The following CLC variants were observed in gnomAD, a reference collection of about 807,000 sequenced individuals.
CLC encodes Charcot-Leyden crystal galectin.
In CLC, 15 loss-of-function variants were observed where a neutral mutation model predicts 13.9. That is an observed-to-expected ratio of 1.08 (90% CI 0.72 to 1.66). The LOEUF (loss-of-function observed/expected upper bound fraction) is 1.66, where lower values mean the gene tolerates loss of function less well. Ranked by LOEUF, CLC falls within the 40% of genes most tolerant of loss-of-function variation. The probability of loss-of-function intolerance (pLI) is 0.00; values close to 1 mark genes in which losing one functional copy is unlikely to be tolerated. For synonymous variants in CLC, 68 were observed against 59.9 expected, an observed-to-expected ratio of 1.14 and a Z score of -0.63; for missense variants, 161 against 169.1, an observed-to-expected ratio of 0.95 and a Z score of 0.27.
intron 3 of CLC, among the ~76,000 whole-genome samples, chr19:39,731,871 C>T (rs1967231056): frequency 6.6e-6 from 1 of 152,116 alleles, no homozygotes; most frequent in Admixed American, 6.6e-5. Flanking sequence ...TCAACAATGT[C>T]CACTGAATGC....
intron 1 of CLC, 145 bp downstream of exon 1, chr19:39,737,793 T>C (rs943389632): frequency 1.3e-6 from 1 of 791,114 alleles, no homozygotes; most frequent in Non-Finnish European, 2.0e-6. Flanking sequence ...TCAGATACCA[T>C]AGCCCTAGGG....
Position 39,734,987 on chromosome 19 carries a change from G to C in CLC, c.92+10C>G. The C allele has an allele frequency of 1.3e-6, 2 of 1,590,550 alleles. No individual in the cohort carries two copies. The highest frequency in any genetic ancestry group is 1.7e-6 in the Non-Finnish European group (2 of 1,158,578). Reference sequence around the variant, plus strand: ...CTCCACCTCCCATCTTTGCACCATGGAGTACTCACAAGAAACAGGCAAGTG... The same window carrying C: ...CTCCACCTCCCATCTTTGCACCATGCAGTACTCACAAGAAACAGGCAAGTG... On this transcript the variant is annotated intron_variant, in intron 2 of 3. Coordinates refer to ENST00000221804, the MANE Select transcript of CLC (RefSeq NM_001828.6).
intron 2 of CLC, 66 bp from the exon 3 acceptor site, chr19:39,734,559 C>G (rs1967279271): frequency 7.2e-7 from 1 of 1,387,364 alleles, no homozygotes; most frequent in African/African-American, 1.4e-5. Context: ...GACACACACA[C>G]AAGTCTCTTT....
At chr19:39,731,861 TCAA>T (rs1967230956) in intron 3 of CLC, among the ~76,000 whole-genome samples, 1 of 152,098 alleles carries the variant, frequency 6.6e-6, no homozygotes, top group Non-Finnish European at 1.5e-5. Context: ...GGGTAAGTGC[TCAA>T]CAATGTCCAC....
chr19:39,734,973 A>G, intron 2 of CLC, 24 bp downstream of exon 2: 1 of 1,546,150 alleles, frequency 6.5e-7, no homozygotes, highest in Non-Finnish European at 8.9e-7. Flanking sequence ...TCCACCTCCC[A>G]TCTTTGCACC....
In CLC at chr19:39,731,392, A is replaced by T; in HGVS notation, c.417T>A (p.Tyr139Ter). 1 of 1,613,678 alleles carries T rather than the reference A, an allele frequency of 6.2e-7. No homozygotes were observed. Among genetic ancestry groups the T allele is most frequent in the Non-Finnish European group, 8.5e-7 (1 of 1,179,736 alleles). Residue 139 changes from tyrosine (Y) to a stop codon, truncating the protein, a stop_gained, in exon 4 of 4, where the codon TAT becomes TAA. Transcript: ENST00000221804. LOFTEE classifies it high-confidence loss of function. ...ACATGAAGTCTGGTTATCTCTTTAA[A>T]TAGCTGACATTAAATTTGGTCAGGG... ...DISLTKFNVS[Y>*]LKR
chr19:39,735,145 T>C, intron 1 of CLC, 72 bp from the exon 2 acceptor site: 1 of 1,060,208 alleles, frequency 9.4e-7, no homozygotes, highest in Non-Finnish European at 1.5e-6. Flanking sequence ...CAGATTCCCA[T>C]GGTGCAGCCA....
rs1967221458 is a variant in CLC, at chr19:39,731,292, T to C, written c.*88A>G. 1.4e-6 allele frequency: 2 copies of C among 1,389,704 alleles called. No homozygotes were observed. Among genetic ancestry groups the C allele is most frequent in the East Asian group, 2.3e-5 (1 of 43,374 alleles). The allele number at this position is 1,389,704 out of a possible 1,614,324, so 86.1% of individuals were successfully genotyped here. On this transcript the variant is annotated 3_prime_UTR_variant, in exon 4 of 4. Transcript: ENST00000221804. ...AAGTTTTAATGAGCAGGAGTAAGGA[T>C]TGAAGTGAGAAAAGATCATGCTGTT...
rs1275149661 is a variant in CLC, at chr19:39,734,415, G to T, written c.171C>A (p.Cys57Ter). Residue 57 changes from cysteine to a stop codon, truncating the protein, a stop_gained, in exon 3 of 4, where the codon TGC becomes TGA. Coordinates refer to ENST00000221804, the MANE Select transcript of CLC (RefSeq NM_001828.6). LOFTEE classifies it high-confidence loss of function. ...ESDIVFHFQVCFGRRVVMNSR... is the reference protein window; with the variant it reads ...ESDIVFHFQV ...TGTTCATGACCACACGACGACCAAA[G>T]CACACTTGGAAATGGAAGACAATGT... is the stretch of plus-strand genomic sequence containing the variant. The T allele has an allele frequency of 3.7e-6, 6 of 1,613,996 alleles. No homozygotes were observed. The East Asian group carries it at 8.9e-5, about 24-fold the overall frequency.
Position 39,731,432 on chromosome 19 carries a change from A to C in CLC, c.377T>G (p.Val126Gly). The change falls in exon 4 of 4, where the codon GTG becomes GGG. Residue 126 changes from valine to glycine, a missense_variant. Physicochemically the swap from Val to Gly is moderately radical, Grantham distance 109. Coordinates refer to ENST00000221804, the MANE Select transcript of CLC (RefSeq NM_001828.6). ...IKPEAVKMVQVWRDISLTKFN... is the reference protein window; with the variant it reads ...IKPEAVKMVQGWRDISLTKFN... ...TTTGGTCAGGGAGATATCTCTCCAC[A>C]CTTGCACCATCTTCACAGCCTCAGG... 6.2e-7 allele frequency: 1 copy of C among 1,613,836 alleles called. No homozygotes were observed. The highest frequency in any genetic ancestry group is 8.5e-7 in the Non-Finnish European group (1 of 1,179,738).
At chr19:39,734,608 A>T in intron 2 of CLC, 115 bp from the exon 3 acceptor site, 1 of 831,688 alleles carries the variant, frequency 1.2e-6, no homozygotes, top group Non-Finnish European at 2.0e-6. Flanking sequence ...TTGGTATTCT[A>T]GGCCTTGTCA....
At chr19:39,734,228 C>G (rs1056626530) in intron 3 of CLC, 55 bp downstream of exon 3, 1 of 1,567,290 alleles carries the variant, frequency 6.4e-7, no homozygotes, top group Non-Finnish European at 8.7e-7. Flanking sequence ...GAAGAGCTGC[C>G]TCCTGCTCTG....
chr19:39,733,680 C>T (rs1403152094), intron 3 of CLC, among the ~76,000 whole-genome samples: 1 of 152,046 alleles, frequency 6.6e-6, no homozygotes, highest in African/African-American at 2.4e-5. Flanking sequence ...AACTGTCATT[C>T]CTAAAGTGTA....
chr19:39,731,338 G>C lies in CLC; in HGVS notation c.*42C>G, dbSNP rs373097006. 1.2e-6 allele frequency: 2 copies of C among 1,603,496 alleles called. No individual in the cohort carries two copies. Among genetic ancestry groups the C allele is most frequent in the African/African-American group, 2.7e-5 (2 of 74,800 alleles). On this transcript the variant is annotated 3_prime_UTR_variant, in exon 4 of 4. Coordinates refer to ENST00000221804, the MANE Select transcript of CLC (RefSeq NM_001828.6). ...CTGTTAGCTGGCTTTGGAATCCCAA[G>C]TTCACGTAGAGACAGGGATTCCTTG...
At chr19:39,737,894 C>A in intron 1 of CLC, 44 bp downstream of exon 1, 1 of 1,590,708 alleles carries the variant, frequency 6.3e-7, no homozygotes, top group Non-Finnish European at 8.6e-7. Context: ...CTTCCCTTTT[C>A]TGTGTGACCT....
At chr19:39,731,958 G>T (rs1967232156) in intron 3 of CLC, among the ~76,000 whole-genome samples, 1 of 152,224 alleles carries the variant, frequency 6.6e-6, no homozygotes, top group Non-Finnish European at 1.5e-5. Context: ...GCTCATATTT[G>T]AGCTAGTGGC....
intron 1 of CLC, among the ~76,000 whole-genome samples, chr19:39,736,088 G>A (rs1985359): frequency 0.26 from 39,666 of 151,734 alleles, 5,795 homozygotes; most frequent in Non-Finnish European, 0.35. Context: ...CAATGTAGCT[G>A]TATCATTTTA....
At chr19:39,736,907 G>T (rs750865638) in intron 1 of CLC, among the ~76,000 whole-genome samples, 70 of 152,114 alleles carry the variant, frequency 4.6e-4, no homozygotes, top group Middle Eastern at 3.2e-3. Flanking sequence ...TTGGAAAGAT[G>T]AAATCTTGCT....
intron 1 of CLC, among the ~76,000 whole-genome samples, chr19:39,736,218 A>G (rs1371188058): frequency 6.6e-6 from 1 of 152,016 alleles, no homozygotes; most frequent in African/African-American, 2.4e-5. Context: ...GAAAGAAACA[A>G]CACTTGTTGA....
Sources: allele counts gnomAD v4.1 joint callset (sites outside exome capture counted in the v4.1 genomes callset), GRCh38; gene constraint gnomAD v4.1.1; transcripts MANE v1.5; gene names NCBI Gene and HGNC (gene_info 2026-07-23, HGNC 2026-07-21).